The following TMED3 variants were observed in gnomAD, a reference collection of about 807,000 sequenced individuals.
The protein encoded by TMED3 is transmembrane p24 trafficking protein 3.
Under a neutral mutation model 15.0 loss-of-function variants are expected in TMED3, and 9 were observed. That is an observed-to-expected ratio of 0.60 (90% CI 0.36 to 1.04). The LOEUF (loss-of-function observed/expected upper bound fraction) is 1.04. TMED3 is among the 50% of genes least tolerant of loss of function. The pLI, the probability that TMED3 is intolerant of heterozygous loss-of-function variation, is 0.01. For missense variants in TMED3, 267 were observed against 278.9 expected, an observed-to-expected ratio of 0.96 and a Z score of 0.30; for synonymous variants, 117 against 121.4, an observed-to-expected ratio of 0.96 and a Z score of 0.24.
intron 2 of TMED3, among the ~76,000 whole-genome samples, chr15:79,347,287 A>T (rs749372861): frequency 6.6e-6 from 1 of 152,216 alleles, no homozygotes; most frequent in Admixed American, 6.5e-5. Flanking sequence ...AACCCACATG[A>T]TTATCTCAAG....
At chr15:79,319,585 CAA>C (rs2058755613) in intron 2 of TMED3, among the ~76,000 whole-genome samples, 1 of 152,118 alleles carries the variant, frequency 6.6e-6, no homozygotes, top group South Asian at 2.1e-4. Context: ...AGACATAAGA[CAA>C]AGAGATTAAA....
intron 2 of TMED3, among the ~76,000 whole-genome samples, chr15:79,398,800 T>C (rs1595910993): frequency 6.6e-6 from 1 of 152,266 alleles, no homozygotes; most frequent in East Asian, 1.9e-4. Flanking sequence ...CCCAGGCAAG[T>C]TTCCACATAA....
chr15:79,382,992 A>T, intron 2 of TMED3: 1 of 1,535,470 alleles, frequency 6.5e-7, no homozygotes, highest in East Asian at 2.4e-5. Flanking sequence ...ACCAACACCA[A>T]CGCCACCACT....
intron 2 of TMED3, among the ~76,000 whole-genome samples, chr15:79,386,175 G>A (rs573090656): frequency 1.3e-5 from 2 of 152,306 alleles, no homozygotes; most frequent in East Asian, 3.9e-4. Flanking sequence ...CGGAGTTTCA[G>A]TTTTGCAAGA....
At chr15:79,360,736 C>A (rs1472383280) in intron 2 of TMED3, among the ~76,000 whole-genome samples, 1 of 152,196 alleles carries the variant, frequency 6.6e-6, no homozygotes, top group Non-Finnish European at 1.5e-5. Flanking sequence ...AATGCTGATA[C>A]TATCATTTTC....
At chr15:79,329,390 G>A (rs2058799263) in intron 2 of TMED3, among the ~76,000 whole-genome samples, 1 of 152,246 alleles carries the variant, frequency 6.6e-6, no homozygotes, top group African/African-American at 2.4e-5. Context: ...GTCAGGAATA[G>A]GCAGAGGCAG....
chr15:79,324,120 A>AG (rs1567023862), downstream of TMED3, among the ~76,000 whole-genome samples: 1 of 152,098 alleles, frequency 6.6e-6, no homozygotes, highest in Admixed American at 6.5e-5. Flanking sequence ...CCTCCCAAGT[A>AG]GCTGGGACTA....
At chr15:79,367,782 C>T (rs988454861) in intron 2 of TMED3, among the ~76,000 whole-genome samples, 1 of 152,194 alleles carries the variant, frequency 6.6e-6, no homozygotes, top group Non-Finnish European at 1.5e-5. Flanking sequence ...GTGGAAATTG[C>T]ACATTGGTTT....
intron 2 of TMED3, among the ~76,000 whole-genome samples, chr15:79,332,273 A>G (rs139184391): frequency 7.9e-5 from 12 of 152,342 alleles, no homozygotes; most frequent in African/African-American, 2.6e-4. Flanking sequence ...AGAATTAATA[A>G]CTGTATTAAT....
intron 2 of TMED3, among the ~76,000 whole-genome samples, chr15:79,397,908 A>C: frequency 6.6e-6 from 1 of 152,308 alleles, no homozygotes; most frequent in Non-Finnish European, 1.5e-5. Flanking sequence ...CACTAGCCCC[A>C]TACCCAACCT....
chr15:79,331,542 C>CAAAA (rs71451761), intron 2 of TMED3, among the ~76,000 whole-genome samples: 1 of 89,288 alleles, frequency 1.1e-5, no homozygotes, highest in African/African-American at 4.9e-5. Context: ...GCAAAAGAAG[C>CAAAA]AAAAAAAAAA....
chr15:79,371,554 G>A (rs999382026), intron 2 of TMED3, among the ~76,000 whole-genome samples: 7 of 152,218 alleles, frequency 4.6e-5, no homozygotes, highest in African/African-American at 1.7e-4. Flanking sequence ...AGAATTCAGA[G>A]GCTAGAGTTT....
intron 2 of TMED3, among the ~76,000 whole-genome samples, chr15:79,352,676 A>G (rs1456562461): frequency 1.5e-5 from 2 of 129,666 alleles, no homozygotes; most frequent in East Asian, 4.3e-4. Context: ...AAAAAAAAAT[A>G]TATATATATA....
At chr15:79,357,446 C>T (rs2058923721) in intron 2 of TMED3, among the ~76,000 whole-genome samples, 1 of 127,344 alleles carries the variant, frequency 7.9e-6, no homozygotes, top group African/African-American at 3.1e-5. Flanking sequence ...GATTGTGCCA[C>T]TGCACTCCAC....
chr15:79,350,537 G>C (rs1337564179), intron 2 of TMED3, among the ~76,000 whole-genome samples: 1 of 152,152 alleles, frequency 6.6e-6, no homozygotes, highest in Non-Finnish European at 1.5e-5. Flanking sequence ...GGAGAAAAAT[G>C]AAGGCTCAGC....
chr15:79,311,133 C>G lies in TMED3; in HGVS notation c.-117C>G, dbSNP rs903878761. 13 of 1,199,726 alleles carry G rather than the reference C, an allele frequency of 1.1e-5. No homozygotes were observed. Among genetic ancestry groups the G allele is most frequent in the African/African-American group, 1.6e-5 (1 of 62,322 alleles). 74.3% of individuals were successfully genotyped at this position (1,199,726 alleles called of 1,614,324 possible). On this transcript the variant is annotated 5_prime_UTR_variant, in exon 1 of 3. Transcript: ENST00000299705. ...CGGCCCTCCCGGAAGCGCAGAGCTC[C>G]GCTGGTGCCACGTCTATCCCCTTAC...
chr15:79,357,211 A>G (rs1383871756), intron 2 of TMED3, among the ~76,000 whole-genome samples: 14 of 152,118 alleles, frequency 9.2e-5, no homozygotes, highest in Non-Finnish European at 1.9e-4. Context: ...ACGGCTGGGC[A>G]TGGTGGCTCG....
chr15:79,381,569 A>G (rs191728017), intron 2 of TMED3, among the ~76,000 whole-genome samples: 1 of 152,226 alleles, frequency 6.6e-6, no homozygotes, highest in Non-Finnish European at 1.5e-5. Context: ...GCTAAATGTC[A>G]CAGAGGTTTG....
In TMED3 at chr15:79,376,361, T is replaced by C. The variant is rs1369091154; in HGVS notation, c.418-35039T>C. ...AGAGGCCATTAGAGATAGATATTAT[T>C]GGTCATTTTGCATATTGTATTTTAG... On this transcript the variant is annotated intron_variant, in intron 2 of 2. Coordinates refer to the TMED3 transcript ENST00000424155. 7.2e-5 allele frequency among the ~76,000 whole-genome samples: 11 copies of C among 152,224 alleles called. No individual in the cohort carries two copies. The South Asian group carries it at 2.3e-3, about 32-fold the overall frequency.
Sources: allele counts gnomAD v4.1 joint callset (sites outside exome capture counted in the v4.1 genomes callset), GRCh38; gene constraint gnomAD v4.1.1; transcripts MANE v1.5; gene names NCBI Gene and HGNC (gene_info 2026-07-23, HGNC 2026-07-21).